Variants in FRMPD4 observed in about 807,000 individuals in gnomAD.
The protein encoded by FRMPD4 is FERM and PDZ domain containing 4.
FRMPD4 carries 22 observed loss-of-function variants against 94.1 expected under a neutral mutation model. The observed-to-expected ratio is 0.23, with a 90% CI of 0.17 to 0.33. The LOEUF (loss-of-function observed/expected upper bound fraction) is 0.33. Ranked by LOEUF, FRMPD4 falls within the 10% of genes least tolerant of loss-of-function variation. The pLI, the probability that FRMPD4 is intolerant of heterozygous loss-of-function variation, is 1.00. For missense variants in FRMPD4, 1,111 were observed against 1,339.9 expected (o/e 0.83, Z 2.67); for synonymous variants, 631 against 548.6 (o/e 1.15, Z -2.10).
At chrX:12,691,742 T>C (rs140555562) in intron 8 of FRMPD4, among the ~76,000 whole-genome samples, 90 of 109,965 alleles carry the variant, frequency 8.2e-4, no homozygotes, top group African/African-American at 2.9e-3. Flanking sequence ...ATAAAGAATG[T>C]ATTATCAAAC....
chrX:12,226,526 T>C (rs1360094474), intron 1 of FRMPD4, among the ~76,000 whole-genome samples: 1 of 111,823 alleles, frequency 8.9e-6, no homozygotes, highest in African/African-American at 3.2e-5. Context: ...AGGTTTTTTT[T>C]CCCCTTAACT....
chrX:12,551,100 TTACA>T (rs755027858), intron 2 of FRMPD4, among the ~76,000 whole-genome samples: 44 of 111,079 alleles, frequency 4.0e-4, no homozygotes, highest in Non-Finnish European at 7.7e-4. Flanking sequence ...GTAAACATAT[TTACA>T]TATATAATGT....
chrX:12,082,702 G>A (rs1240006111), intron 3 of FRMPD4, among the ~76,000 whole-genome samples: 5 of 111,608 alleles, frequency 4.5e-5, no homozygotes, highest in African/African-American at 1.3e-4. Flanking sequence ...AATATTGATA[G>A]TGATATGAAC....
chrX:12,350,541 C>T (rs2055786187), intron 1 of FRMPD4, among the ~76,000 whole-genome samples: 1 of 111,920 alleles, frequency 8.9e-6, no homozygotes, highest in Non-Finnish European at 1.9e-5. Context: ...CAATAGTGGG[C>T]TGAGATAAAC....
chrX:11,971,739 G>T (rs2054341281), intron 3 of FRMPD4, among the ~76,000 whole-genome samples: 2 of 112,093 alleles, frequency 1.8e-5, no homozygotes, highest in Admixed American at 9.4e-5. Context: ...TGGGCCTATT[G>T]TCCCAGTGTT....
intron 7 of FRMPD4, among the ~76,000 whole-genome samples, chrX:12,688,140 T>G (rs1602325136): frequency 8.9e-6 from 1 of 111,994 alleles, no homozygotes; most frequent in East Asian, 2.8e-4. Context: ...TGGCCAGATA[T>G]AACCCGCAGG....
chrX:12,398,287 A>G (rs1361235136), intron 1 of FRMPD4, among the ~76,000 whole-genome samples: 1 of 112,308 alleles, frequency 8.9e-6, no homozygotes, highest in African/African-American at 3.2e-5. Flanking sequence ...AAAATTAATT[A>G]AAAACATAGT....
chrX:12,517,737 G>T (rs2058117190), intron 2 of FRMPD4, among the ~76,000 whole-genome samples: 1 of 112,678 alleles, frequency 8.9e-6, no homozygotes, highest in African/African-American at 3.2e-5. Context: ...CTTGGCAGAG[G>T]GGGTGTGCCG....
At chrX:12,527,333 T>G (rs2058234816) in intron 2 of FRMPD4, among the ~76,000 whole-genome samples, 1 of 111,541 alleles carries the variant, frequency 9.0e-6, no homozygotes, top group Admixed American at 9.5e-5. Context: ...TCATGTTGCT[T>G]GGTATTTAGC....
chrX:12,283,680 T>C (rs2054559188), intron 1 of FRMPD4, among the ~76,000 whole-genome samples: 1 of 110,319 alleles, frequency 9.1e-6, no homozygotes, highest in African/African-American at 3.3e-5. Context: ...CACTAATTTA[T>C]CAGACTGGTG....
At position 12,379,237 on chromosome X, in the gene FRMPD4, A is replaced by G. The variant is rs141840798; in HGVS notation, c.42-119443A>G. Among the ~76,000 whole-genome samples, 370 of 112,389 alleles carry G rather than the reference A, an allele frequency of 3.3e-3. 2 individuals carry two copies. The highest frequency in any genetic ancestry group is 0.01 in the African/African-American group (311 of 30,993). On this transcript the variant is annotated intron_variant, in intron 1 of 16. Coordinates refer to ENST00000675598, the MANE Select transcript of FRMPD4 (RefSeq NM_001368397.1). ...AAATCAAGACTCTCTGAAGCAAGCA[A>G]TATCTTTGGCAATATAAATTCCGTG...
intron 3 of FRMPD4, among the ~76,000 whole-genome samples, chrX:11,952,399 A>C (rs141873614): frequency 1.9e-3 from 210 of 112,048 alleles, no homozygotes; most frequent in African/African-American, 6.4e-3. Context: ...TGTATGAGGA[A>C]AGTCATGTTT....
In FRMPD4 at chrX:11,923,877, T is replaced by C. The variant is rs2054071301; in HGVS notation, c.95+45859T>C. Among the ~76,000 whole-genome samples, 3 of 112,513 alleles carry C rather than the reference T, an allele frequency of 2.7e-5. No individual in the cohort carries two copies. The South Asian group carries it at 1.1e-3, about 42-fold the overall frequency. On this transcript the variant is annotated intron_variant, in intron 3 of 18. Coordinates refer to the FRMPD4 transcript ENST00000640291. ...AACTCAAAAAGCCAGAGTGCCTTCT[T>C]CTTTCCTCTAAATGACCACATCACC...
At chrX:11,967,425 T>A (rs1012391438) in intron 3 of FRMPD4, among the ~76,000 whole-genome samples, 1 of 112,491 alleles carries the variant, frequency 8.9e-6, no homozygotes, top group African/African-American at 3.2e-5. Flanking sequence ...TTTGTGTAAG[T>A]TTAGCTTTAG....
At chrX:12,117,000 C>T (rs1477269553) in intron 3 of FRMPD4, among the ~76,000 whole-genome samples, 2 of 111,770 alleles carry the variant, frequency 1.8e-5, no homozygotes, top group Non-Finnish European at 3.8e-5. Context: ...CTTCCTGTGC[C>T]AGAGAACTGG....
intron 5 of FRMPD4, among the ~76,000 whole-genome samples, chrX:12,677,963 T>C (rs2059917394): frequency 8.9e-6 from 1 of 112,707 alleles, no homozygotes; most frequent in African/African-American, 3.2e-5. Context: ...AGTGGAAGTA[T>C]AGAAAGAAAT....
At chrX:12,363,927 G>A (rs2056035540) in intron 1 of FRMPD4, among the ~76,000 whole-genome samples, 1 of 111,492 alleles carries the variant, frequency 9.0e-6, no homozygotes, top group African/African-American at 3.3e-5. Context: ...TTAGGTGATG[G>A]AGAGCACTTA....
rs1357257872 is a variant in FRMPD4 at position 12,601,342 on chromosome X, G to A, written c.159-8379G>A. 6.2e-5 allele frequency among the ~76,000 whole-genome samples: 7 copies of A among 112,003 alleles called. No individual in the cohort carries two copies. The East Asian group carries it at 1.7e-3, about 27-fold the overall frequency. ...TATGTGAGCTGAAAACACACGATGT[G>A]CAGTTATGTGTGTTCATATAAAATT... On this transcript the variant is annotated intron_variant, in intron 2 of 16. Coordinates refer to ENST00000675598, the MANE Select transcript of FRMPD4 (RefSeq NM_001368397.1).
At chrX:12,709,525 C>T (rs2041943612) in intron 13 of FRMPD4, among the ~76,000 whole-genome samples, 1 of 111,431 alleles carries the variant, frequency 9.0e-6, no homozygotes, top group Admixed American at 9.5e-5. Context: ...TTCTCAACTC[C>T]CATCTGTTTT....
Sources: allele counts gnomAD v4.1 joint callset (sites outside exome capture counted in the v4.1 genomes callset), GRCh38; gene constraint gnomAD v4.1.1; transcripts MANE v1.5; gene names NCBI Gene and HGNC (gene_info 2026-07-23, HGNC 2026-07-21).